ARMH4: variants seen among roughly 807,000 people sequenced by gnomAD.
The protein encoded by ARMH4 is armadillo like helical domain containing 4.
Under a neutral mutation model 61.9 loss-of-function variants are expected in ARMH4, and 49 were observed. The ratio of observed to expected loss-of-function variants is 0.79; its 90% CI spans 0.63 to 1.00. The LOEUF (loss-of-function observed/expected upper bound fraction) is 1.00. ARMH4 is among the 50% of genes least tolerant of loss of function. ARMH4 has a pLI of 0.00. For synonymous variants in ARMH4, 368 were observed against 341.5 expected (o/e 1.08, Z -0.85); for missense variants, 934 against 930.0 (o/e 1.00, Z -0.06).
chr14:58,030,998 G>C (rs1019168556), intron 5 of ARMH4, among the ~76,000 whole-genome samples: 5 of 152,136 alleles, frequency 3.3e-5, no homozygotes, highest in African/African-American at 1.2e-4. Flanking sequence ...CCCAGAAGTA[G>C]AATTAGGTTA....
chr14:58,055,605 T>C (rs895360395), intron 5 of ARMH4, among the ~76,000 whole-genome samples: 2 of 152,174 alleles, frequency 1.3e-5, no homozygotes, highest in African/African-American at 4.8e-5. Flanking sequence ...CAAAGCTCAG[T>C]CCACAGACCA....
intron 4 of ARMH4, 48 bp from the exon 5 acceptor site, chr14:58,097,029 T>C: frequency 1.3e-6 from 2 of 1,569,046 alleles, no homozygotes; most frequent in Non-Finnish European, 1.7e-6. Context: ...AATGAGTTTA[T>C]GCTGAAACAA....
intron 5 of ARMH4, among the ~76,000 whole-genome samples, chr14:58,087,512 G>C (rs1214134147): frequency 2.0e-5 from 3 of 152,120 alleles, no homozygotes; most frequent in Middle Eastern, 3.2e-3. Flanking sequence ...TTGAGACTTA[G>C]AGCTGCTTCA....
Position 58,131,297 on chromosome 14 carries a change from CT to C in ARMH4, c.1831+214del, listed in dbSNP as rs956761822. On this transcript the variant is annotated intron_variant, in intron 4 of 7. Coordinates refer to ENST00000267485, the MANE Select transcript of ARMH4 (RefSeq NM_001001872.4). ...TCACAAAATATTATTCTTCTTTTGA[CT>C]TTTTTTTTCAATCATTTCAAAATGT... 183 of 479,606 alleles carry C rather than the reference CT, an allele frequency of 3.8e-4. 1 individual carries two copies. Among genetic ancestry groups the C allele is most frequent in the Admixed American group, 6.3e-4 (17 of 26,832 alleles). 29.7% of individuals were successfully genotyped at this position (479,606 alleles called of 1,614,324 possible). A position where few individuals can be genotyped will look rare whatever the true frequency, so the allele number is the denominator to read the frequency against.
At chr14:58,079,239 G>GA (rs1316794624) in intron 5 of ARMH4, among the ~76,000 whole-genome samples, 1 of 152,056 alleles carries the variant, frequency 6.6e-6, no homozygotes, top group Non-Finnish European at 1.5e-5. Context: ...AATTTATAAA[G>GA]AAAAAAAGAA....
chr14:58,120,937 T>C (rs780906289), intron 4 of ARMH4, among the ~76,000 whole-genome samples: 58 of 152,300 alleles, frequency 3.8e-4, no homozygotes, highest in Non-Finnish European at 7.2e-4. Flanking sequence ...TCTCATAATG[T>C]TATGCCAGAG....
intron 5 of ARMH4, among the ~76,000 whole-genome samples, chr14:58,048,362 G>A (rs1884008479): frequency 6.6e-6 from 1 of 152,208 alleles, no homozygotes; most frequent in African/African-American, 2.4e-5. Flanking sequence ...CACAGATGAA[G>A]CAAAAAGATT....
chr14:58,121,284 A>C (rs1418358420), intron 4 of ARMH4, among the ~76,000 whole-genome samples: 1 of 152,188 alleles, frequency 6.6e-6, no homozygotes, highest in Non-Finnish European at 1.5e-5. Context: ...TTTCATCATC[A>C]TGAGCCATTC....
At position 58,111,377 on chromosome 14, in the gene ARMH4, A is replaced by C. The variant is rs139137491; in HGVS notation, c.1832-14396T>G. Among the ~76,000 whole-genome samples the C allele has an allele frequency of 2.0e-5, 3 of 152,352 alleles. No homozygotes were observed. The East Asian group carries it at 5.8e-4, about 29-fold the overall frequency. On this transcript the variant is annotated intron_variant, in intron 4 of 7. Coordinates refer to ENST00000267485, the MANE Select transcript of ARMH4 (RefSeq NM_001001872.4). Reference sequence around the variant, plus strand: ...AGAAAAAGCATTTGATAAAAATCCAATATGCACACAATGTCCAAAAAGAAA... The same window carrying C: ...AGAAAAAGCATTTGATAAAAATCCACTATGCACACAATGTCCAAAAAGAAA...
intron 5 of ARMH4, among the ~76,000 whole-genome samples, chr14:58,056,286 C>T (rs1256611236): frequency 6.6e-6 from 1 of 152,206 alleles, no homozygotes; most frequent in African/African-American, 2.4e-5. Context: ...TACTTCATAT[C>T]TATAGTATCT....
intron 5 of ARMH4, among the ~76,000 whole-genome samples, chr14:58,043,867 A>T (rs1883821739): frequency 6.6e-6 from 1 of 152,218 alleles, no homozygotes; most frequent in Admixed American, 6.5e-5. Context: ...TGCTTCAAAG[A>T]GAATGAAATA....
chr14:58,126,653 T>C (rs1296492251), intron 4 of ARMH4, among the ~76,000 whole-genome samples: 2 of 152,086 alleles, frequency 1.3e-5, no homozygotes, highest in Middle Eastern at 3.4e-3. Flanking sequence ...AACGCAATCA[T>C]TTAAAAACTA....
chr14:58,106,333 C>T (rs1448894664), intron 4 of ARMH4, among the ~76,000 whole-genome samples: 2 of 152,176 alleles, frequency 1.3e-5, no homozygotes, highest in Admixed American at 1.3e-4. Context: ...AGATGTCAGC[C>T]AAAACCCTAA....
intron 5 of ARMH4, among the ~76,000 whole-genome samples, chr14:58,073,762 G>A (rs1202028809): frequency 2.6e-5 from 4 of 152,182 alleles, no homozygotes; most frequent in African/African-American, 9.7e-5. Flanking sequence ...AAACCACCCG[G>A]AAGCCCTAGA....
At chr14:58,039,238 G>A (rs1566551802) in intron 5 of ARMH4, among the ~76,000 whole-genome samples, 1 of 152,130 alleles carries the variant, frequency 6.6e-6, no homozygotes, top group Non-Finnish European at 1.5e-5. Flanking sequence ...GTCTAGCATC[G>A]CAATCTGAGA....
intron 5 of ARMH4, among the ~76,000 whole-genome samples, chr14:58,095,365 C>T (rs955861564): frequency 6.6e-5 from 10 of 151,724 alleles, no homozygotes; most frequent in African/African-American, 1.9e-4. Context: ...TTAACCTGTT[C>T]GGTATAAATT....
chr14:58,133,044 A>G, intron 3 of ARMH4, 46 bp downstream of exon 3: 1 of 1,605,464 alleles, frequency 6.2e-7, no homozygotes, highest in Non-Finnish European at 8.5e-7. Flanking sequence ...CACTTAACAG[A>G]AGAGATCCAC....
At chr14:58,144,121 G>A (rs1488386175) in intron 1 of ARMH4, among the ~76,000 whole-genome samples, 4 of 152,180 alleles carry the variant, frequency 2.6e-5, no homozygotes, top group African/African-American at 9.7e-5. Flanking sequence ...ATTTGATAAA[G>A]AGGAAATAGC....
chr14:58,060,189 C>T (rs544935686), intron 5 of ARMH4, among the ~76,000 whole-genome samples: 1 of 152,320 alleles, frequency 6.6e-6, no homozygotes, highest in South Asian at 2.1e-4. Context: ...ACTTTATTCA[C>T]TCTTTCATTT....
Sources: gnomAD v4.1 joint callset for allele counts (sites outside exome capture counted in the v4.1 genomes callset) on GRCh38, gnomAD v4.1.1 for gene constraint, MANE v1.5 for transcripts, NCBI Gene and HGNC (gene_info 2026-07-23, HGNC 2026-07-21) for gene names.